Variants in ADGRL3 observed in about 807,000 individuals in gnomAD.
ADGRL3 encodes calcium-independent alpha-latrotoxin receptor 3.
A neutral mutation model predicts 153.5 loss-of-function variants in ADGRL3; 62 were observed. The observed-to-expected ratio is 0.40, with a 90% CI of 0.33 to 0.50. The LOEUF (loss-of-function observed/expected upper bound fraction) is 0.50. Among genes scored for constraint, ADGRL3 ranks in the 20% least tolerant of loss-of-function variants. The probability of loss-of-function intolerance (pLI) is 0.47; values close to 1 mark genes in which losing one functional copy is unlikely to be tolerated. For synonymous variants in ADGRL3, 710 were observed against 672.5 expected (o/e 1.06, Z -0.86); for missense variants, 1,641 against 1,859.4 (o/e 0.88, Z 2.16).
rs149369660 is a variant in ADGRL3, at chr4:61,672,579, A to G, written c.474-4247A>G. Among the ~76,000 whole-genome samples the G allele has an allele frequency of 1.4e-3, 210 of 152,236 alleles. 1 individual carries two copies. Among genetic ancestry groups the G allele is most frequent in the African/African-American group, 4.9e-3 (205 of 41,572 alleles). ...CAACAGATATATTAAAAAGTGCTCA[A>G]CTTCACTAATCGTCAGGGAAATGTG... is the stretch of plus-strand genomic sequence containing the variant. On this transcript the variant is annotated intron_variant, in intron 5 of 26. Transcript: ENST00000683033.
chr4:61,246,617 T>A (rs1757197123), intron 1 of ADGRL3, among the ~76,000 whole-genome samples: 3 of 152,038 alleles, frequency 2.0e-5, no homozygotes, highest in Admixed American at 2.0e-4. Context: ...TTTTCTTATT[T>A]TTGTTACATT....
chr4:61,506,089 T>G (rs2098426446), intron 3 of ADGRL3, among the ~76,000 whole-genome samples: 2 of 152,084 alleles, frequency 1.3e-5, no homozygotes, highest in Non-Finnish European at 1.5e-5. Context: ...CCTTAGAGTT[T>G]AACTCCAGTT....
chr4:61,318,799 T>C (rs2095292220), intron 1 of ADGRL3, among the ~76,000 whole-genome samples: 1 of 152,230 alleles, frequency 6.6e-6, no homozygotes, highest in South Asian at 2.1e-4. Context: ...AAAACTTCAG[T>C]TCAATTTTCT....
intron 5 of ADGRL3, among the ~76,000 whole-genome samples, chr4:61,659,897 CAA>C (rs566191178): frequency 1.8e-5 from 2 of 109,106 alleles, no homozygotes; most frequent in African/African-American, 3.5e-5. Context: ...GTGAAGATTA[CAA>C]AAAAAAAAAA....
intron 8 of ADGRL3, among the ~76,000 whole-genome samples, chr4:61,785,655 C>T (rs2097267874): frequency 6.6e-6 from 1 of 152,188 alleles, no homozygotes; most frequent in African/African-American, 2.4e-5. Context: ...TTCTTAGTCT[C>T]TCTCTTTCTC....
chr4:61,666,341 G>A (rs1296619376), intron 5 of ADGRL3, among the ~76,000 whole-genome samples: 7 of 151,660 alleles, frequency 4.6e-5, no homozygotes, highest in Non-Finnish European at 7.4e-5. Flanking sequence ...GTTTGATTCT[G>A]TTTCTCCTTT....
At chr4:61,866,979 G>A (rs35669880) in intron 9 of ADGRL3, among the ~76,000 whole-genome samples, 55,791 of 151,800 alleles carry the variant, frequency 0.37, 11,409 homozygotes, top group Middle Eastern at 0.53. Flanking sequence ...TGCACAGACC[G>A]TATAAGGATT....
At chr4:61,296,958 A>G (rs1364954292) in intron 1 of ADGRL3, among the ~76,000 whole-genome samples, 5 of 152,186 alleles carry the variant, frequency 3.3e-5, no homozygotes, top group African/African-American at 1.2e-4. Context: ...ATACTATTTG[A>G]AAACGGTCAC....
In ADGRL3 at chr4:61,775,907, A is replaced by AT. The variant is rs200207362; in HGVS notation, c.1400-37899dup. On this transcript the variant is annotated intron_variant, in intron 8 of 26. Coordinates refer to ENST00000683033, the MANE Select transcript of ADGRL3 (RefSeq NM_001387552.1). ...TTTTTATTTATTTATTTATTTATTT[A>AT]TTTATTTTTTTGAGACGGAGTCTCA... 4.2e-3 allele frequency: 983 copies of AT among 231,926 alleles called. 6 individuals carry two copies. Among genetic ancestry groups the AT allele is most frequent in the South Asian group, 8.6e-3 (54 of 6,284 alleles). The allele number at this position is 231,926 out of a possible 1,614,324, so 14.4% of individuals were successfully genotyped here. A position where few individuals can be genotyped will look rare whatever the true frequency, so the allele number is the denominator to read the frequency against.
chr4:61,651,513 T>C (rs1038615166), intron 5 of ADGRL3, among the ~76,000 whole-genome samples: 1 of 152,268 alleles, frequency 6.6e-6, no homozygotes, highest in African/African-American at 2.4e-5. Context: ...AAACTCCTTA[T>C]AGACTAGTAT....
chr4:61,352,452 G>A (rs2096069439), intron 1 of ADGRL3, among the ~76,000 whole-genome samples: 1 of 151,202 alleles, frequency 6.6e-6, no homozygotes, highest in African/African-American at 2.4e-5. Flanking sequence ...GCAGTGGTGC[G>A]ATCTCAGCTC....
At chr4:61,304,382 A>G (rs1279917179) in intron 1 of ADGRL3, among the ~76,000 whole-genome samples, 1 of 152,232 alleles carries the variant, frequency 6.6e-6, no homozygotes, top group Non-Finnish European at 1.5e-5. Flanking sequence ...ATTATTGACT[A>G]AAGTGATTAC....
intron 5 of ADGRL3, among the ~76,000 whole-genome samples, chr4:61,652,863 A>G (rs1264579050): frequency 1.3e-5 from 2 of 152,172 alleles, no homozygotes; most frequent in Non-Finnish European, 2.9e-5. Context: ...TTAAATACTA[A>G]TGATATGGAA....
Position 61,844,575 on chromosome 4 carries a change from A to AAATAT in ADGRL3, c.1480+30687_1480+30688insATATA, listed in dbSNP as rs1554045137. On this transcript the variant is annotated intron_variant, in intron 9 of 26. Transcript: ENST00000683033. Reference sequence around the variant, plus strand: ...AAAAAAAAAAAAAAAAAAAAAAAAAAATATATATATATATATATATATTTA... The same window carrying AAATAT: ...AAAAAAAAAAAAAAAAAAAAAAAAAAAATATATATATATATATATATATATATTTA... 1.2e-3 allele frequency among the ~76,000 whole-genome samples: 21 copies of AAATAT among 18,116 alleles called. 1 individual carries two copies. Among genetic ancestry groups the AAATAT allele is most frequent in the Non-Finnish European group, 1.5e-3 (18 of 11,968 alleles). 11.9% of individuals were successfully genotyped at this position (18,116 alleles called of 152,430 possible).
chr4:61,613,240 T>C (rs886909965), intron 5 of ADGRL3, among the ~76,000 whole-genome samples: 2 of 152,198 alleles, frequency 1.3e-5, no homozygotes, highest in Admixed American at 1.3e-4. Context: ...GTTCTTTAGA[T>C]TGATCTAGGG....
rs181675770 is a variant in ADGRL3 at position 61,449,589 on chromosome 4, A to T, written c.-173-47532A>T. On this transcript the variant is annotated intron_variant, in intron 2 of 26. Coordinates refer to ENST00000683033, the MANE Select transcript of ADGRL3 (RefSeq NM_001387552.1). The stretch of plus-strand genomic sequence containing the variant: ...ACAGTCAAGTAATATGACTTGTCCT[A>T]AATCACACAACTTCCTAGATACCCA... 4.5e-3 allele frequency among the ~76,000 whole-genome samples: 686 copies of T among 152,282 alleles called. 6 individuals carry two copies. Among genetic ancestry groups the T allele is most frequent in the Non-Finnish European group, 6.9e-3 (471 of 68,010 alleles).
chr4:61,350,343 G>GTTTT (rs34524532), intron 1 of ADGRL3, among the ~76,000 whole-genome samples: 10 of 127,800 alleles, frequency 7.8e-5, no homozygotes, highest in African/African-American at 1.1e-4. Context: ...TCTGATGGAG[G>GTTTT]TTTTTTTTTT....
intron 1 of ADGRL3, among the ~76,000 whole-genome samples, chr4:61,250,343 A>G (rs2149431742): frequency 6.6e-6 from 1 of 152,210 alleles, no homozygotes; most frequent in Non-Finnish European, 1.5e-5. Flanking sequence ...TTAAAGGAGG[A>G]GTTGGATTGG....
At chr4:61,546,189 A>T (rs1156866112) in intron 4 of ADGRL3, among the ~76,000 whole-genome samples, 1 of 151,636 alleles carries the variant, frequency 6.6e-6, no homozygotes, top group African/African-American at 2.4e-5. Context: ...CCGGATTTCA[A>T]CTCTCTGACG....
Sources: gnomAD v4.1 joint callset for allele counts (sites outside exome capture counted in the v4.1 genomes callset) on GRCh38, gnomAD v4.1.1 for gene constraint, MANE v1.5 for transcripts, NCBI Gene and HGNC (gene_info 2026-07-23, HGNC 2026-07-21) for gene names.